Variants in STAB2 observed in about 807,000 individuals in gnomAD.
STAB2 encodes stabilin 2, also known as stabilin-2.
A neutral mutation model predicts 338.1 loss-of-function variants in STAB2; 288 were observed. The observed-to-expected ratio is 0.85, with a 90% CI of 0.77 to 0.94. The LOEUF is 0.94. STAB2 is among the 40% of genes least tolerant of loss of function. The pLI is 0.00. For synonymous variants in STAB2, 1,202 were observed against 1,193.3 expected (o/e 1.01, Z -0.15); for missense variants, 3,141 against 3,210.1 (o/e 0.98, Z 0.52).
At chr12:103,728,417 T>C (rs1881381952) in intron 47 of STAB2, among the ~76,000 whole-genome samples, 1 of 152,252 alleles carries the variant, frequency 6.6e-6, no homozygotes, top group Admixed American at 6.5e-5. Flanking sequence ...GCCTTGTTTG[T>C]ATTTTGAATT....
intron 36 of STAB2, chr12:103,704,865 G>T (rs1232050353): frequency 5.7e-6 from 2 of 353,672 alleles, no homozygotes; most frequent in Non-Finnish European, 1.0e-5. Context: ...TATGCTCTAC[G>T]TCTTTCATAT....
intron 64 of STAB2, 119 bp downstream of exon 64, chr12:103,758,408 A>C: frequency 5.3e-6 from 8 of 1,498,662 alleles, no homozygotes; most frequent in Non-Finnish European, 7.2e-6. Flanking sequence ...CTCACAGATC[A>C]TCTGCAGATC....
chr12:103,753,287 C>T lies in STAB2; in HGVS notation c.6648C>T (p.Ala2216=). The change falls in exon 61 of 69, where the codon GCC becomes GCT. Residue 2216 remains alanine (A), a synonymous_variant. Coordinates refer to ENST00000388887, the MANE Select transcript of STAB2 (RefSeq NM_017564.10). ...LGQYKLTFDK[A]REACANEAAT... Reference sequence around the variant, plus strand: ...AGTATAAGCTGACCTTTGACAAAGCCAGAGAGGCCTGTGCCAACGAAGCTG... The same window carrying T: ...AGTATAAGCTGACCTTTGACAAAGCTAGAGAGGCCTGTGCCAACGAAGCTG... The T allele has an allele frequency of 6.2e-7, 1 of 1,614,212 alleles. No individual in the cohort carries two copies.
At chr12:103,746,099 C>T (rs570255895) in intron 57 of STAB2, among the ~76,000 whole-genome samples, 1 of 152,240 alleles carries the variant, frequency 6.6e-6, no homozygotes, top group South Asian at 2.1e-4. Context: ...CCTCCCTGTT[C>T]CTTCTGCCTC....
chr12:103,644,926 G>A (rs921941083), intron 9 of STAB2, among the ~76,000 whole-genome samples: 2 of 152,006 alleles, frequency 1.3e-5, no homozygotes, highest in Non-Finnish European at 2.9e-5. Context: ...TCCCATAAAT[G>A]TATACACCTA....
At chr12:103,602,505 T>C (rs1956968345) in intron 3 of STAB2, among the ~76,000 whole-genome samples, 2 of 152,228 alleles carry the variant, frequency 1.3e-5, no homozygotes, top group South Asian at 4.1e-4. Flanking sequence ...GTGTCCTGGA[T>C]TGTAGAGTAA....
intron 25 of STAB2, among the ~76,000 whole-genome samples, chr12:103,680,007 A>G (rs1423301827): frequency 6.6e-6 from 1 of 152,206 alleles, no homozygotes; most frequent in Non-Finnish European, 1.5e-5. Context: ...CTGTGTTGCT[A>G]AGTGAAATAA....
chr12:103,737,053 C>T (rs1372882239), intron 52 of STAB2, among the ~76,000 whole-genome samples: 6 of 152,192 alleles, frequency 3.9e-5, no homozygotes, highest in Admixed American at 3.9e-4. Flanking sequence ...CACTTGTACA[C>T]CCTGGAAAGA....
At chr12:103,631,840 T>A in intron 6 of STAB2, 147 bp downstream of exon 6, 1 of 679,192 alleles carries the variant, frequency 1.5e-6, no homozygotes, top group Non-Finnish European at 2.5e-6. Context: ...AAAAAGAGAA[T>A]ATAGAAGAGA....
intron 5 of STAB2, among the ~76,000 whole-genome samples, chr12:103,624,348 T>C (rs1444076513): frequency 6.6e-6 from 1 of 152,194 alleles, no homozygotes; most frequent in East Asian, 1.9e-4. Flanking sequence ...TCTAGCTTGC[T>C]CCAGTGATGT....
At chr12:103,604,114 T>C (rs938321655) in intron 3 of STAB2, among the ~76,000 whole-genome samples, 10 of 152,172 alleles carry the variant, frequency 6.6e-5, no homozygotes, top group Non-Finnish European at 1.0e-4. Context: ...TGGAGATACT[T>C]TGGAATTTTC....
intron 8 of STAB2, among the ~76,000 whole-genome samples, chr12:103,638,951 G>A (rs895870108): frequency 3.3e-5 from 5 of 152,322 alleles, no homozygotes; most frequent in Non-Finnish European, 7.3e-5. Flanking sequence ...TAATCACCTG[G>A]ATGCTAGCTG....
At chr12:103,686,455 T>C (rs1403142234) in intron 27 of STAB2, among the ~76,000 whole-genome samples, 2 of 152,200 alleles carry the variant, frequency 1.3e-5, no homozygotes, top group Non-Finnish European at 1.5e-5. Flanking sequence ...AAAAGCAAAA[T>C]TAAGTCCTCA....
intron 9 of STAB2, 66 bp from the exon 10 acceptor site, chr12:103,648,624 G>A (rs1239044875): frequency 5.1e-6 from 8 of 1,578,300 alleles, no homozygotes; most frequent in Non-Finnish European, 6.9e-6. Flanking sequence ...TGAGGGGATT[G>A]GACTGTATGA....
At chr12:103,603,483 A>G (rs1956984251) in intron 3 of STAB2, among the ~76,000 whole-genome samples, 1 of 152,204 alleles carries the variant, frequency 6.6e-6, no homozygotes, top group Admixed American at 6.5e-5. Context: ...TCCTCTCCTC[A>G]TAAAATTGCC....
intron 47 of STAB2, 37 bp downstream of exon 47, chr12:103,727,387 C>A: frequency 6.2e-7 from 1 of 1,607,068 alleles, no homozygotes; most frequent in Non-Finnish European, 8.5e-7. Flanking sequence ...GGGAGGTCTG[C>A]GGCTGGAACA....
At chr12:103,762,461 A>G (rs1243232702) in intron 67 of STAB2, 59 bp downstream of exon 67, 1 of 1,611,766 alleles carries the variant, frequency 6.2e-7, no homozygotes, top group African/African-American at 1.3e-5. Context: ...CAGTCCCTGG[A>G]CCTGGGCTGC....
intron 68 of STAB2, among the ~76,000 whole-genome samples, chr12:103,765,206 CCT>C (rs1473353659): frequency 2.0e-5 from 3 of 151,870 alleles, no homozygotes; most frequent in Non-Finnish European, 2.9e-5. Context: ...ATGCATACAT[CCT>C]CTCCAATGCA....
rs1404222769 is a variant in STAB2, at chr12:103,688,091, T to G, written c.2998-77T>G. On this transcript the variant is annotated intron_variant, in intron 27 of 68. Transcript: ENST00000388887. Reference sequence around the variant, plus strand: ...GAGTGCAGGTGACCCAGAGATGCACTGTGATTGCACTTCTCATTGTTCTTT... The same window carrying G: ...GAGTGCAGGTGACCCAGAGATGCACGGTGATTGCACTTCTCATTGTTCTTT... 4 of 1,439,378 alleles carry G rather than the reference T, an allele frequency of 2.8e-6. No individual in the cohort carries two copies. In the East Asian group the frequency reaches 6.8e-5, roughly 25 times the overall value. 89.2% of individuals were successfully genotyped at this position (1,439,378 alleles called of 1,614,324 possible).
Sources: gnomAD v4.1 joint callset for allele counts (sites outside exome capture counted in the v4.1 genomes callset) on GRCh38, gnomAD v4.1.1 for gene constraint, MANE v1.5 for transcripts, NCBI Gene and HGNC (gene_info 2026-07-23, HGNC 2026-07-21) for gene names.